The following ANKRD11 variants were observed in gnomAD, a reference collection of about 807,000 sequenced individuals.
ANKRD11 encodes ankyrin repeat domain 11.
Under a neutral mutation model 195.7 loss-of-function variants are expected in ANKRD11, and 17 were observed. The ratio of observed to expected loss-of-function variants is 0.09; its 90% CI spans 0.06 to 0.13. The LOEUF (loss-of-function observed/expected upper bound fraction) is 0.13. ANKRD11 is among the 10% of genes least tolerant of loss of function. The pLI is 1.00. For missense variants in ANKRD11, 3,735 were observed against 3,566.1 expected (o/e 1.05, Z -1.21); for synonymous variants, 1,953 against 1,528.1 (o/e 1.28, Z -6.49).
At chr16:89,310,123 T>C (rs866913981) in intron 3 of ANKRD11, among the ~76,000 whole-genome samples, 2 of 152,378 alleles carry the variant, frequency 1.3e-5, no homozygotes, top group Middle Eastern at 3.4e-3. Context: ...AGTCGTGTTG[T>C]CCACTGACTG....
chr16:89,414,634 G>A (rs1009857730), intron 2 of ANKRD11, among the ~76,000 whole-genome samples: 1 of 152,230 alleles, frequency 6.6e-6, no homozygotes, highest in African/African-American at 2.4e-5. Context: ...GTAGGAGACT[G>A]AGGCTCGGAG....
chr16:89,302,977 A>C (rs2035948642), intron 4 of ANKRD11, among the ~76,000 whole-genome samples: 1 of 152,166 alleles, frequency 6.6e-6, no homozygotes, highest in Admixed American at 6.5e-5. Context: ...CGCAGGCGCT[A>C]ACCATCAACA....
chr16:89,447,689 G>A (rs1469368053), intron 1 of ANKRD11, among the ~76,000 whole-genome samples: 3 of 152,104 alleles, frequency 2.0e-5, no homozygotes, highest in East Asian at 1.9e-4. Flanking sequence ...GCAGGCCCTC[G>A]GCCTCCCAAA....
At chr16:89,438,937 G>A (rs2043329907) in intron 1 of ANKRD11, among the ~76,000 whole-genome samples, 1 of 151,634 alleles carries the variant, frequency 6.6e-6, no homozygotes, top group South Asian at 2.1e-4. Context: ...GAGCCAATGA[G>A]TTCGTGATCA....
chr16:89,489,686 C>T (rs1363433343), intron 1 of ANKRD11, among the ~76,000 whole-genome samples: 6 of 151,742 alleles, frequency 4.0e-5, no homozygotes, highest in Non-Finnish European at 7.4e-5. Context: ...GCCAGCGCCC[C>T]CTGGCAGCCC....
In ANKRD11 at chr16:89,282,428, C is replaced by T. The variant is rs146474985; in HGVS notation, c.4114G>A (p.Glu1372Lys). The T allele has an allele frequency of 3.7e-6, 6 of 1,614,002 alleles. No homozygotes were observed. The highest frequency in any genetic ancestry group is 2.2e-5 in the South Asian group (2 of 91,074). The stretch of plus-strand genomic sequence containing the variant: ...TAATCTTCGCCCTTCTCTTTCTTCT[C>T]GGCCTTCTCTTTCTTGGCTCGCTCT... Reference protein sequence around the residue: ...DRERAKKEKAEKKEKGEDYKE... With the variant: ...DRERAKKEKAKKKEKGEDYKE... Residue 1372 changes from glutamate to lysine, a missense_variant, in exon 9 of 13, where the codon GAG (glutamate) becomes AAG (lysine). By Grantham distance (56) the Glu-to-Lys change is moderately conservative. Transcript: ENST00000301030.
chr16:89,479,935 T>G (rs1468421795), intron 1 of ANKRD11, among the ~76,000 whole-genome samples: 4 of 112,894 alleles, frequency 3.5e-5, no homozygotes, highest in Admixed American at 2.1e-4. Flanking sequence ...AGAGCGAGAC[T>G]CCATCTCAAA....
intron 1 of ANKRD11, among the ~76,000 whole-genome samples, chr16:89,488,365 T>TGG (rs1304336198): frequency 6.6e-6 from 1 of 151,640 alleles, no homozygotes; most frequent in East Asian, 1.9e-4. Flanking sequence ...AACAGCTGAA[T>TGG]GGAGGGTAGG....
chr16:89,271,563 T>C (rs1340022551), intron 11 of ANKRD11: 4 of 159,488 alleles, frequency 2.5e-5, no homozygotes, highest in Admixed American at 5.8e-5. Context: ...TCTCAGAACA[T>C]GTGGAGCACC....
intron 1 of ANKRD11, among the ~76,000 whole-genome samples, chr16:89,475,719 G>A (rs1482921793): frequency 6.6e-6 from 1 of 152,040 alleles, no homozygotes; most frequent in Non-Finnish European, 1.5e-5. Context: ...AACACAAAAT[G>A]CTCTCCCAAG....
chr16:89,280,147 T>A lies in ANKRD11; in HGVS notation c.6395A>T (p.Asp2132Val), dbSNP rs973682602. Reference sequence around the variant, plus strand: ...CTCCGGCAGGGAGAAGGGCCCCAGGTCCAGGTCGTCCTCGGGGCCGGCGAA... The same window carrying A: ...CTCCGGCAGGGAGAAGGGCCCCAGGACCAGGTCGTCCTCGGGGCCGGCGAA... ...DAFAGPEDDLDLGPFSLPELP... is the reference protein window; with the variant it reads ...DAFAGPEDDLVLGPFSLPELP... Residue 2132 changes from aspartate (D) to valine (V), a missense_variant, in exon 9 of 13, where the codon GAC (aspartate) becomes GTC (valine). By Grantham distance (152) the Asp-to-Val change is radical. Coordinates refer to ENST00000301030, the MANE Select transcript of ANKRD11 (RefSeq NM_013275.6). The A allele has an allele frequency of 6.2e-7, 1 of 1,611,284 alleles. No individual in the cohort carries two copies. Among genetic ancestry groups the A allele is most frequent in the Non-Finnish European group, 8.5e-7 (1 of 1,179,272 alleles).
chr16:89,278,960 G>T, intron 9 of ANKRD11, 112 bp downstream of exon 9: 1 of 1,502,414 alleles, frequency 6.7e-7, no homozygotes, highest in South Asian at 1.2e-5. Context: ...AGAAGGTCGA[G>T]AGAGGTCAAG....
chr16:89,448,449 T>C (rs2043908673), intron 1 of ANKRD11, among the ~76,000 whole-genome samples: 1 of 152,300 alleles, frequency 6.6e-6, no homozygotes, highest in East Asian at 1.9e-4. Flanking sequence ...CACACGAAAG[T>C]ACTCAAAGTC....
chr16:89,481,465 G>A (rs1192725035), intron 1 of ANKRD11, among the ~76,000 whole-genome samples: 2 of 152,152 alleles, frequency 1.3e-5, no homozygotes, highest in African/African-American at 4.8e-5. Context: ...GTTGACGCAG[G>A]AGGCTCACTT....
chr16:89,284,037 G>A lies in ANKRD11; in HGVS notation c.2505C>T (p.Asp835=), dbSNP rs544199816. 2.2e-4 allele frequency: 348 copies of A among 1,614,132 alleles called. No homozygotes were observed. Among genetic ancestry groups the A allele is most frequent in the South Asian group, 1.3e-3 (115 of 91,086 alleles). ...ENEDTKFSLS[D]DQRDRWFSDL... ...CAGAAAACCACCGATCTCGCTGATCGTCAGAAAGGCTAAATTTGGTGTCTT... is the reference window on the plus strand; with the variant it reads ...CAGAAAACCACCGATCTCGCTGATCATCAGAAAGGCTAAATTTGGTGTCTT... The change falls in exon 9 of 13, where the codon GAC becomes GAT. Residue 835 remains aspartate, a synonymous_variant. Transcript: ENST00000301030.
intron 2 of ANKRD11, among the ~76,000 whole-genome samples, chr16:89,360,957 T>A (rs2039703487): frequency 6.6e-6 from 1 of 152,146 alleles, no homozygotes; most frequent in Non-Finnish European, 1.5e-5. Context: ...CTGCTCTGCA[T>A]CAGGTGAGAG....
chr16:89,467,025 C>A (rs2056908824), intron 1 of ANKRD11, among the ~76,000 whole-genome samples: 1 of 152,216 alleles, frequency 6.6e-6, no homozygotes, highest in South Asian at 2.1e-4. Context: ...TAACAAATGA[C>A]ATCCTATCAT....
At chr16:89,375,016 A>G (rs2040357975) in intron 2 of ANKRD11, among the ~76,000 whole-genome samples, 1 of 152,176 alleles carries the variant, frequency 6.6e-6, no homozygotes, top group Admixed American at 6.5e-5. Context: ...TACACAGATT[A>G]TAAAAAATTA....
chr16:89,439,507 C>G (rs2043355290), intron 1 of ANKRD11, among the ~76,000 whole-genome samples: 1 of 152,168 alleles, frequency 6.6e-6, no homozygotes, highest in Admixed American at 6.5e-5. Flanking sequence ...TGTCAAAGTT[C>G]TCCATGTAAA....
Sources: allele counts gnomAD v4.1 joint callset (sites outside exome capture counted in the v4.1 genomes callset), GRCh38; gene constraint gnomAD v4.1.1; transcripts MANE v1.5; gene names NCBI Gene and HGNC (gene_info 2026-07-23, HGNC 2026-07-21).